UGT3A2: variants seen among roughly 807,000 people sequenced by gnomAD.
UGT3A2 encodes UDP glycosyltransferase family 3 member A2.
UGT3A2 carries 32 observed loss-of-function variants against 39.8 expected under a neutral mutation model. That is an observed-to-expected ratio of 0.80 (90% CI 0.61 to 1.08). The LOEUF is 1.08. Ranked by LOEUF, UGT3A2 falls within the 50% of genes least tolerant of loss-of-function variation. UGT3A2 has a pLI of 0.00. For missense variants in UGT3A2, 611 were observed against 637.1 expected (o/e 0.96, Z 0.44); for synonymous variants, 241 against 230.7 (o/e 1.04, Z -0.40).
intron 2 of UGT3A2, among the ~76,000 whole-genome samples, 182 bp downstream of exon 2, chr5:36,064,067 G>T (rs115098804): frequency 7.2e-5 from 11 of 152,130 alleles, no homozygotes; most frequent in African/African-American, 2.7e-4. Flanking sequence ...AGTATGGAAC[G>T]TCAGGTCCCG....
chr5:36,058,154 G>A (rs1020428462), intron 2 of UGT3A2, among the ~76,000 whole-genome samples: 1 of 152,058 alleles, frequency 6.6e-6, no homozygotes, highest in Non-Finnish European at 1.5e-5. Flanking sequence ...ATGGATTAAT[G>A]GATAAACAAA....
At chr5:36,060,030 T>G (rs1742638281) in intron 2 of UGT3A2, among the ~76,000 whole-genome samples, 1 of 151,846 alleles carries the variant, frequency 6.6e-6, no homozygotes, top group South Asian at 2.1e-4. Flanking sequence ...CCAACTGGAG[T>G]CACACTCACA....
At chr5:36,042,443 C>T (rs1742039524) in intron 4 of UGT3A2, among the ~76,000 whole-genome samples, 1 of 151,820 alleles carries the variant, frequency 6.6e-6, no homozygotes, top group Non-Finnish European at 1.5e-5. Flanking sequence ...AAATCATTTT[C>T]ACTAAAAGGA....
intron 3 of UGT3A2, among the ~76,000 whole-genome samples, chr5:36,050,051 T>G (rs1742291955): frequency 6.6e-6 from 1 of 151,480 alleles, no homozygotes; most frequent in Non-Finnish European, 1.5e-5. Flanking sequence ...ACGCATTATT[T>G]TTTTCTTTAT....
intron 2 of UGT3A2, among the ~76,000 whole-genome samples, chr5:36,060,149 C>T (rs11955055): frequency 0.024 from 3,680 of 152,336 alleles, 149 homozygotes; most frequent in African/African-American, 0.085. Context: ...TGTGGCCATG[C>T]TGGCCATGGT....
At position 36,035,447 on chromosome 5, in the gene UGT3A2, C is replaced by T. The variant is rs1159878700; in HGVS notation, c.*251G>A. On this transcript the variant is annotated 3_prime_UTR_variant, in exon 7 of 7. Transcript: ENST00000282507. ...CTCAGAGACAGAATCACAGCATAGC[C>T]CTTGCTGATGGCAAACAAAGGAGGA... The T allele has an allele frequency of 1.9e-6, 1 of 515,710 alleles. No homozygotes were observed. The highest frequency in any genetic ancestry group is 3.5e-6 in the Non-Finnish European group (1 of 289,456). 31.9% of individuals were successfully genotyped at this position (515,710 alleles called of 1,614,324 possible). A position where few individuals can be genotyped will look rare whatever the true frequency, so the allele number is the denominator to read the frequency against.
chr5:36,060,493 C>A (rs1742657544), intron 2 of UGT3A2, among the ~76,000 whole-genome samples: 3 of 152,110 alleles, frequency 2.0e-5, no homozygotes, highest in Admixed American at 2.0e-4. Context: ...ATCAATCAAG[C>A]AGCTGACCAA....
chr5:36,056,700 G>GGATA (rs1283136429), intron 2 of UGT3A2, among the ~76,000 whole-genome samples: 1 of 152,170 alleles, frequency 6.6e-6, no homozygotes, highest in Non-Finnish European at 1.5e-5. Context: ...CAAGACAACA[G>GGATA]GATACACTGC....
intron 2 of UGT3A2, among the ~76,000 whole-genome samples, chr5:36,057,342 T>C (rs897604695): frequency 7.2e-5 from 11 of 152,004 alleles, no homozygotes; most frequent in Admixed American, 3.9e-4. Context: ...AAATGAAAAA[T>C]GGGAATTCTA....
chr5:36,047,092 A>C (rs1195870542), intron 4 of UGT3A2, among the ~76,000 whole-genome samples: 4 of 152,212 alleles, frequency 2.6e-5, no homozygotes, highest in Non-Finnish European at 5.9e-5. Flanking sequence ...TAAATTGTGC[A>C]CTCAGTGAAA....
intron 2 of UGT3A2, among the ~76,000 whole-genome samples, 200 bp downstream of exon 2, chr5:36,064,049 A>T (rs961524728): frequency 6.6e-6 from 1 of 152,206 alleles, no homozygotes; most frequent in Non-Finnish European, 1.5e-5. Context: ...GGGAAAAAAA[A>T]ATATGGGAGT....
At chr5:36,047,956 G>C (rs929478152) in intron 4 of UGT3A2, among the ~76,000 whole-genome samples, 5 of 152,048 alleles carry the variant, frequency 3.3e-5, no homozygotes, top group African/African-American at 1.2e-4. Flanking sequence ...AAAACTTCCT[G>C]CCACAAATGC....
In UGT3A2 at chr5:36,064,212, T is replaced by G. The variant is rs745622777; in HGVS notation, c.196+37A>C. 20 of 1,581,826 alleles carry G rather than the reference T, an allele frequency of 1.3e-5. No individual in the cohort carries two copies. The South Asian group carries it at 2.3e-4, about 18-fold the overall frequency. On this transcript the variant is annotated intron_variant, in intron 2 of 6. Coordinates refer to ENST00000282507, the MANE Select transcript of UGT3A2 (RefSeq NM_174914.4). Reference sequence around the variant, plus strand: ...TGCAAACAGCATTTTGCTCTTTGCTTGGAGTAGGAGAAATCAAGAAAAGTG... The same window carrying G: ...TGCAAACAGCATTTTGCTCTTTGCTGGGAGTAGGAGAAATCAAGAAAAGTG...
chr5:36,061,238 TTTATTA>T (rs77719519), intron 2 of UGT3A2, among the ~76,000 whole-genome samples: 23 of 150,772 alleles, frequency 1.5e-4, no homozygotes, highest in Admixed American at 2.6e-4. Flanking sequence ...AATTTTAAAT[TTTATTA>T]TTATTATTAT....
At position 36,066,831 on chromosome 5, in the gene UGT3A2, C is replaced by G; in HGVS notation, c.-42G>C. On this transcript the variant is annotated 5_prime_UTR_variant, in exon 1 of 7. Transcript: ENST00000282507. Reference sequence around the variant, plus strand: ...GCCGCGGATCTCAGCCTGGGCTGCGCGCCCTGCGCCCGGCTAAGGGACCCT... The same window carrying G: ...GCCGCGGATCTCAGCCTGGGCTGCGGGCCCTGCGCCCGGCTAAGGGACCCT... The G allele has an allele frequency of 1.2e-6, 2 of 1,611,788 alleles. No individual in the cohort carries two copies. Among genetic ancestry groups the G allele is most frequent in the Non-Finnish European group, 1.7e-6 (2 of 1,177,910 alleles).
At chr5:36,057,221 G>A (rs1252938511) in intron 2 of UGT3A2, among the ~76,000 whole-genome samples, 1 of 152,196 alleles carries the variant, frequency 6.6e-6, no homozygotes, top group Admixed American at 6.5e-5. Flanking sequence ...CAAATAAGGA[G>A]TTAATAATTG....
At chr5:36,040,634 G>A (rs1025762443) in intron 4 of UGT3A2, among the ~76,000 whole-genome samples, 1 of 152,192 alleles carries the variant, frequency 6.6e-6, no homozygotes, top group Admixed American at 6.5e-5. Context: ...CACCCATGCA[G>A]GGAGCATTTA....
chr5:36,051,721 T>G (rs571575449), intron 3 of UGT3A2, 149 bp downstream of exon 3: 298 of 647,018 alleles, frequency 4.6e-4, no homozygotes, highest in Non-Finnish European at 1.9e-5. Flanking sequence ...TCTCCATCTA[T>G]CAATCCATCC....
At chr5:36,042,013 C>T (rs1385268095) in intron 4 of UGT3A2, among the ~76,000 whole-genome samples, 1 of 151,848 alleles carries the variant, frequency 6.6e-6, no homozygotes, top group Non-Finnish European at 1.5e-5. Context: ...CAAGATAACA[C>T]AGAGAAGAAA....
Sources: gnomAD v4.1 joint callset for allele counts (sites outside exome capture counted in the v4.1 genomes callset) on GRCh38, gnomAD v4.1.1 for gene constraint, MANE v1.5 for transcripts, NCBI Gene and HGNC (gene_info 2026-07-23, HGNC 2026-07-21) for gene names.